Variants in PCDH9 observed in about 807,000 individuals in gnomAD.
PCDH9 encodes protocadherin 9.
A neutral mutation model predicts 70.6 loss-of-function variants in PCDH9; 24 were observed. The ratio of observed to expected loss-of-function variants is 0.34; its 90% CI spans 0.25 to 0.48. The LOEUF is 0.48. Ranked by LOEUF, PCDH9 falls within the 20% of genes least tolerant of loss-of-function variation. PCDH9 has a pLI of 0.99. For missense variants in PCDH9, 1,281 were observed against 1,503.6 expected (o/e 0.85, Z 2.45); for synonymous variants, 562 against 558.5 (o/e 1.01, Z -0.09).
intron 4 of PCDH9, among the ~76,000 whole-genome samples, chr13:66,338,222 C>T (rs267326): frequency 0.92 from 139,819 of 152,106 alleles, 65,462 homozygotes; most frequent in East Asian, 1. Context: ...CATTCCCGCT[C>T]TTTCTTTTTC....
chr13:67,157,240 C>T (rs762199368), intron 2 of PCDH9, among the ~76,000 whole-genome samples: 2 of 152,048 alleles, frequency 1.3e-5, no homozygotes, highest in Non-Finnish European at 2.9e-5. Flanking sequence ...CTTGCCTCAA[C>T]GGTTTGCATA....
intron 2 of PCDH9, among the ~76,000 whole-genome samples, chr13:66,947,239 A>C (rs2083102809): frequency 6.6e-6 from 1 of 152,172 alleles, no homozygotes; most frequent in South Asian, 2.1e-4. Flanking sequence ...TAAAATAAAC[A>C]CACTTGTGCT....
chr13:66,449,124 C>T (rs914035227), intron 4 of PCDH9, among the ~76,000 whole-genome samples: 2 of 152,144 alleles, frequency 1.3e-5, no homozygotes, highest in African/African-American at 4.8e-5. Context: ...CCATAAAACA[C>T]TGACTGGAAC....
intron 2 of PCDH9, 126 bp downstream of exon 2, chr13:67,225,279 G>T: frequency 3.9e-6 from 5 of 1,266,696 alleles, no homozygotes; most frequent in South Asian, 3.0e-5. Context: ...AAGGGGTCAA[G>T]TTTTTTTTTA....
At chr13:66,388,335 A>G (rs1033326850) in intron 4 of PCDH9, among the ~76,000 whole-genome samples, 3 of 152,182 alleles carry the variant, frequency 2.0e-5, no homozygotes, top group African/African-American at 7.2e-5. Context: ...ATTTCAGTGA[A>G]CTGATTTTAG....
intron 3 of PCDH9, among the ~76,000 whole-genome samples, chr13:66,816,901 T>A (rs1328752088): frequency 6.6e-6 from 1 of 151,470 alleles, no homozygotes; most frequent in East Asian, 1.9e-4. Context: ...ATTGCATGTT[T>A]AAAGGATAAT....
intron 2 of PCDH9, among the ~76,000 whole-genome samples, chr13:66,955,997 A>T (rs2083260819): frequency 6.6e-6 from 1 of 152,026 alleles, no homozygotes; most frequent in African/African-American, 2.4e-5. Flanking sequence ...AGCTATTCAG[A>T]AGGCTGAGGC....
chr13:66,751,550 T>C (rs1270561048), intron 3 of PCDH9, among the ~76,000 whole-genome samples: 2 of 152,200 alleles, frequency 1.3e-5, no homozygotes, highest in East Asian at 1.9e-4. Context: ...CTGTGTTTTA[T>C]GTTAACAATT....
At chr13:67,111,466 T>C (rs2086657409) in intron 2 of PCDH9, among the ~76,000 whole-genome samples, 1 of 152,206 alleles carries the variant, frequency 6.6e-6, no homozygotes, top group Admixed American at 6.5e-5. Context: ...TACTAGTCTA[T>C]GCTAGGTCTA....
intron 4 of PCDH9, among the ~76,000 whole-genome samples, chr13:66,516,113 T>A (rs183276171): frequency 1.5e-3 from 230 of 152,152 alleles, no homozygotes; most frequent in Non-Finnish European, 2.5e-3. Flanking sequence ...TTAATTCTTA[T>A]CAACATGGAA....
chr13:66,702,722 T>G (rs2078663099), intron 3 of PCDH9, among the ~76,000 whole-genome samples: 1 of 152,164 alleles, frequency 6.6e-6, no homozygotes, highest in African/African-American at 2.4e-5. Flanking sequence ...ACAATTTTTG[T>G]CAAGTATATG....
At chr13:67,222,629 T>C (rs975510567) in intron 2 of PCDH9, 1 of 152,250 alleles carries the variant, frequency 6.6e-6, no homozygotes, top group Non-Finnish European at 1.5e-5. Context: ...TATCAATTAA[T>C]AGCATAAAAT....
intron 3 of PCDH9, among the ~76,000 whole-genome samples, chr13:66,661,433 A>G (rs1254461297): frequency 6.6e-6 from 1 of 152,180 alleles, no homozygotes; most frequent in African/African-American, 2.4e-5. Context: ...TGGCGTTACC[A>G]ATATTGTTTG....
intron 2 of PCDH9, among the ~76,000 whole-genome samples, chr13:67,125,074 T>TCC (rs2086950209): frequency 6.6e-6 from 1 of 152,202 alleles, no homozygotes; most frequent in Non-Finnish European, 1.5e-5. Flanking sequence ...AACTTCTGAC[T>TCC]GGGCAAGTCT....
intron 3 of PCDH9, among the ~76,000 whole-genome samples, chr13:66,777,677 T>G (rs555244282): frequency 9.3e-4 from 142 of 152,318 alleles, no homozygotes; most frequent in African/African-American, 2.7e-3. Context: ...TTTGACACTG[T>G]TGGTGGGACT....
intron 4 of PCDH9, among the ~76,000 whole-genome samples, chr13:66,494,435 T>C (rs1221843575): frequency 6.6e-6 from 1 of 152,218 alleles, no homozygotes; most frequent in Admixed American, 6.5e-5. Flanking sequence ...AGGTAGCTTT[T>C]GATTTTGTAA....
At position 66,629,162 on chromosome 13, in the gene PCDH9, C is replaced by A. The variant is rs113796980; in HGVS notation, c.3340+2048G>T. ...ATTGTAAATATTCTACCTAGAATTG[C>A]ACATACTACAAATACTTTGAAGATA... On this transcript the variant is annotated intron_variant, in intron 4 of 4. Transcript: ENST00000377865. Among the ~76,000 whole-genome samples the A allele has an allele frequency of 1.4e-3, 206 of 152,296 alleles. 1 individual carries two copies. The highest frequency in any genetic ancestry group is 4.6e-3 in the African/African-American group (193 of 41,560).
intron 2 of PCDH9, among the ~76,000 whole-genome samples, chr13:66,956,992 C>G (rs1439263143): frequency 6.6e-6 from 1 of 152,128 alleles, no homozygotes; most frequent in Non-Finnish European, 1.5e-5. Context: ...TTCACAGGGG[C>G]TACTCTAAAG....
chr13:67,010,612 T>C (rs913994855), intron 2 of PCDH9, among the ~76,000 whole-genome samples: 1 of 151,992 alleles, frequency 6.6e-6, no homozygotes, highest in African/African-American at 2.4e-5. Context: ...CTTCTATTAC[T>C]AGTTTATTCT....
Sources: gnomAD v4.1 joint callset for allele counts (sites outside exome capture counted in the v4.1 genomes callset) on GRCh38, gnomAD v4.1.1 for gene constraint, MANE v1.5 for transcripts, NCBI Gene and HGNC (gene_info 2026-07-23, HGNC 2026-07-21) for gene names.